The following ARHGAP24 variants were observed in gnomAD, a reference collection of about 807,000 sequenced individuals.
ARHGAP24 encodes rho GTPase-activating protein 24.
Under a neutral mutation model 76.4 loss-of-function variants are expected in ARHGAP24, and 50 were observed. That is an observed-to-expected ratio of 0.65 (90% confidence interval 0.52 to 0.83). The LOEUF is 0.83. Among genes scored for constraint, ARHGAP24 ranks in the 40% least tolerant of loss-of-function variants. ARHGAP24 has a pLI of 0.00. For synonymous variants in ARHGAP24, 345 were observed against 323.3 expected, an observed-to-expected ratio of 1.07 and a Z score of -0.72; for missense variants, 930 against 914.2, an observed-to-expected ratio of 1.02 and a Z score of -0.22.
At chr4:85,604,844 C>T (rs886493178) in intron 2 of ARHGAP24, among the ~76,000 whole-genome samples, 1 of 152,042 alleles carries the variant, frequency 6.6e-6, no homozygotes, top group Non-Finnish European at 1.5e-5. Context: ...TCCCAAAGTG[C>T]TGGGATTACA....
intron 3 of ARHGAP24, among the ~76,000 whole-genome samples, chr4:85,908,111 C>T (rs1734871402): frequency 6.6e-6 from 1 of 151,526 alleles, no homozygotes; most frequent in East Asian, 1.9e-4. Context: ...TATTCCTCTC[C>T]CCATCTACAC....
At chr4:85,577,125 T>G (rs1727410046) in intron 2 of ARHGAP24, among the ~76,000 whole-genome samples, 1 of 151,078 alleles carries the variant, frequency 6.6e-6, no homozygotes, top group African/African-American at 2.4e-5. Context: ...ACTCATTCAT[T>G]TGATTTTTTA....
At chr4:85,779,713 G>T (rs1727453758) in intron 3 of ARHGAP24, among the ~76,000 whole-genome samples, 1 of 152,200 alleles carries the variant, frequency 6.6e-6, no homozygotes, top group East Asian at 1.9e-4. Context: ...CCGATCCATA[G>T]AGGGTCTTCC....
chr4:85,949,365 T>C (rs1737469509), intron 5 of ARHGAP24, among the ~76,000 whole-genome samples: 1 of 152,212 alleles, frequency 6.6e-6, no homozygotes, highest in Admixed American at 6.5e-5. Context: ...AACAACTTTT[T>C]CAGATTCTGC....
At chr4:85,843,672 T>C (rs560894287) in intron 3 of ARHGAP24, among the ~76,000 whole-genome samples, 8 of 152,222 alleles carry the variant, frequency 5.3e-5, no homozygotes, top group African/African-American at 1.9e-4. Context: ...TAAAATGTTT[T>C]ACCATGGGAA....
rs145794015 is a variant in ARHGAP24 at position 85,516,225 on chromosome 4, T to A, written c.-21+40666T>A. On this transcript the variant is annotated intron_variant, in intron 1 of 9. Transcript: ENST00000395184. ...TGTGAAGGAAGGTCTCTTATCCAGA[T>A]CTGGTCCCTACCTTGAGCACTGAGT... Among the ~76,000 whole-genome samples the A allele has an allele frequency of 6.0e-3, 916 of 152,312 alleles. 12 individuals are homozygous for A. Among genetic ancestry groups the A allele is most frequent in the African/African-American group, 0.021 (861 of 41,568 alleles).
chr4:85,875,703 A>T (rs1259441097), intron 3 of ARHGAP24, among the ~76,000 whole-genome samples: 1 of 135,054 alleles, frequency 7.4e-6, no homozygotes, highest in East Asian at 2.0e-4. Flanking sequence ...TAATATTTAT[A>T]TATAATTTAT....
intron 2 of ARHGAP24, among the ~76,000 whole-genome samples, chr4:85,665,451 G>A: frequency 6.6e-6 from 1 of 152,086 alleles, no homozygotes; most frequent in Non-Finnish European, 1.5e-5. Flanking sequence ...ACACTGATGG[G>A]TCTTGACTCC....
At chr4:85,564,970 A>ATATATC (rs1553914962) in intron 1 of ARHGAP24, among the ~76,000 whole-genome samples, 1 of 116,502 alleles carries the variant, frequency 8.6e-6, no homozygotes, top group Non-Finnish European at 1.8e-5. Context: ...ATATATATAT[A>ATATATC]CCCACACCCA....
chr4:85,853,487 T>G (rs1284581581), intron 3 of ARHGAP24, among the ~76,000 whole-genome samples: 1 of 152,182 alleles, frequency 6.6e-6, no homozygotes, highest in Non-Finnish European at 1.5e-5. Context: ...GTGTACCCAC[T>G]GTCCAACCAG....
At chr4:85,546,239 TAAA>T (rs1010437710) in intron 1 of ARHGAP24, among the ~76,000 whole-genome samples, 2 of 151,802 alleles carry the variant, frequency 1.3e-5, no homozygotes, top group African/African-American at 4.8e-5. Flanking sequence ...ATTAAATAAA[TAAA>T]AATCATATTT....
chr4:85,694,522 A>G (rs1023493577), intron 2 of ARHGAP24, among the ~76,000 whole-genome samples: 1 of 152,202 alleles, frequency 6.6e-6, no homozygotes, highest in Non-Finnish European at 1.5e-5. Flanking sequence ...GTTATTAACA[A>G]GTATTAATAG....
At chr4:85,554,998 C>T (rs1469979389) in intron 1 of ARHGAP24, among the ~76,000 whole-genome samples, 3 of 151,972 alleles carry the variant, frequency 2.0e-5, no homozygotes, top group Non-Finnish European at 2.9e-5. Context: ...CTTATAGTGG[C>T]TATTTCATCT....
intron 1 of ARHGAP24, among the ~76,000 whole-genome samples, chr4:85,550,262 T>C (rs1200561930): frequency 6.6e-6 from 1 of 152,246 alleles, no homozygotes; most frequent in Non-Finnish European, 1.5e-5. Context: ...ATCTTCTGCA[T>C]ATGGCTAGCC....
At chr4:85,805,393 T>A (rs1387149532) in intron 3 of ARHGAP24, among the ~76,000 whole-genome samples, 1 of 152,190 alleles carries the variant, frequency 6.6e-6, no homozygotes, top group Admixed American at 6.5e-5. Flanking sequence ...GCCGCTTTGA[T>A]AAATTTACCG....
At chr4:85,952,315 A>G (rs914158037) in intron 5 of ARHGAP24, among the ~76,000 whole-genome samples, 3 of 152,194 alleles carry the variant, frequency 2.0e-5, no homozygotes, top group Non-Finnish European at 2.9e-5. Flanking sequence ...CTTAAGGACT[A>G]TGTAATAATT....
intron 1 of ARHGAP24, among the ~76,000 whole-genome samples, chr4:85,495,756 C>T (rs1054263402): frequency 1.3e-5 from 2 of 152,118 alleles, no homozygotes; most frequent in African/African-American, 4.8e-5. Flanking sequence ...TAATACTCTA[C>T]AGCATGGCAG....
intron 3 of ARHGAP24, among the ~76,000 whole-genome samples, chr4:85,796,569 G>A (rs1318766090): frequency 1.3e-5 from 2 of 152,126 alleles, no homozygotes; most frequent in African/African-American, 4.8e-5. Flanking sequence ...AATCAGGAGA[G>A]AGAAACCGCA....
At chr4:85,501,377 G>T (rs922072235) in intron 1 of ARHGAP24, among the ~76,000 whole-genome samples, 1 of 152,116 alleles carries the variant, frequency 6.6e-6, no homozygotes, top group African/African-American at 2.4e-5. Context: ...CACATCCTCT[G>T]CAGCATCTGT....
Sources: allele counts gnomAD v4.1 joint callset (sites outside exome capture counted in the v4.1 genomes callset), GRCh38; gene constraint gnomAD v4.1.1; transcripts MANE v1.5; gene names NCBI Gene and HGNC (gene_info 2026-07-23, HGNC 2026-07-21).